RTN4RL1: variants seen among roughly 807,000 people sequenced by gnomAD.
RTN4RL1 encodes the protein reticulon 4 receptor like 1, also known as reticulon-4 receptor-like 1.
A neutral mutation model predicts 25.6 loss-of-function variants in RTN4RL1; 7 were observed. The observed-to-expected ratio is 0.27, with a 90% CI of 0.16 to 0.51. The LOEUF (loss-of-function observed/expected upper bound fraction) is 0.51, where lower values mean the gene tolerates loss of function less well. Ranked by LOEUF, RTN4RL1 falls within the 20% of genes least tolerant of loss-of-function variation. The pLI, the probability that RTN4RL1 is intolerant of heterozygous loss-of-function variation, is 0.97. For missense variants in RTN4RL1, 500 were observed against 615.6 expected (o/e 0.81, Z 1.99); for synonymous variants, 297 against 288.2 (o/e 1.03, Z -0.31).
intron 1 of RTN4RL1, among the ~76,000 whole-genome samples, chr17:1,980,171 C>T (rs1003044786): frequency 2.0e-5 from 3 of 148,962 alleles, no homozygotes; most frequent in Non-Finnish European, 2.9e-5. Flanking sequence ...TCAGGTGATC[C>T]TCCCACCTCA....
Position 1,937,474 on chromosome 17 carries a change from C to T in RTN4RL1, c.348G>A (p.Leu116=), listed in dbSNP as rs762578438. The change falls in exon 2 of 2, where the codon CTG becomes CTA. Residue 116 remains leucine, a synonymous_variant. Coordinates refer to ENST00000331238, the MANE Select transcript of RTN4RL1 (RefSeq NM_178568.4). The part of the protein sequence containing the change: ...DLGDNRQLRT[L]APETFQGLVK... ...CCAGGCCCTGGAAGGTCTCGGGTGC[C>T]AGCGTCCGCAGCTGCCGGTTGTCGC... The T allele has an allele frequency of 6.2e-6, 10 of 1,613,846 alleles. No individual in the cohort carries two copies.
intron 1 of RTN4RL1, among the ~76,000 whole-genome samples, chr17:2,014,610 T>A (rs750192762): frequency 1.1e-4 from 16 of 152,148 alleles, no homozygotes; most frequent in Non-Finnish European, 2.4e-4. Flanking sequence ...CGCAGGCAGA[T>A]CACCTGAGGT....
At chr17:1,954,332 C>T (rs1915744030) in intron 1 of RTN4RL1, among the ~76,000 whole-genome samples, 2 of 151,340 alleles carry the variant, frequency 1.3e-5, no homozygotes, top group Non-Finnish European at 2.9e-5. Context: ...CCTCCCTGGA[C>T]TCACTCTTCC....
intron 1 of RTN4RL1, among the ~76,000 whole-genome samples, chr17:1,977,499 G>A (rs527419929): frequency 5.8e-4 from 89 of 152,260 alleles, no homozygotes; most frequent in African/African-American, 2.1e-3. Context: ...ACAAGAGCGG[G>A]GTCGAGAGCC....
chr17:1,970,008 G>GCT (rs59886441), intron 1 of RTN4RL1, among the ~76,000 whole-genome samples: 5 of 123,666 alleles, frequency 4.0e-5, no homozygotes, highest in African/African-American at 1.1e-4. Flanking sequence ...CAGGATTTCT[G>GCT]CTCTCTCTCT....
At chr17:1,961,167 C>T (rs956803812) in intron 1 of RTN4RL1, among the ~76,000 whole-genome samples, 2 of 152,302 alleles carry the variant, frequency 1.3e-5, no homozygotes, top group East Asian at 3.9e-4. Context: ...ATCAAGCACT[C>T]GGATGAAGCC....
chr17:1,939,382 A>ATAAAT (rs1915394542), intron 1 of RTN4RL1, among the ~76,000 whole-genome samples: 1 of 151,892 alleles, frequency 6.6e-6, no homozygotes, highest in Non-Finnish European at 1.5e-5. Flanking sequence ...AAATAAATAA[A>ATAAAT]TAAATAAATA....
At chr17:2,008,404 C>T (rs561443616) in intron 1 of RTN4RL1, among the ~76,000 whole-genome samples, 12 of 151,986 alleles carry the variant, frequency 7.9e-5, no homozygotes, top group East Asian at 3.9e-4. Context: ...GTTAATTAAA[C>T]GAGACGGGTG....
intron 1 of RTN4RL1, among the ~76,000 whole-genome samples, chr17:1,993,844 G>A (rs2066919399): frequency 6.6e-6 from 1 of 151,734 alleles, no homozygotes; most frequent in African/African-American, 2.4e-5. Flanking sequence ...CTCAGCCCCT[G>A]TATTCACAAC....
intron 1 of RTN4RL1, among the ~76,000 whole-genome samples, chr17:1,966,101 C>A (rs2066789971): frequency 6.6e-6 from 1 of 152,174 alleles, no homozygotes; most frequent in Non-Finnish European, 1.5e-5. Flanking sequence ...CTCCCTGCCC[C>A]TCTGTGATGG....
intron 1 of RTN4RL1, chr17:2,023,591 C>T (rs967007062): frequency 2.6e-5 from 4 of 152,462 alleles, no homozygotes; most frequent in African/African-American, 9.6e-5. Context: ...ACCCACCTGC[C>T]TGACCTGCTT....
chr17:1,990,417 C>T (rs1379441600), intron 1 of RTN4RL1, among the ~76,000 whole-genome samples: 5 of 151,914 alleles, frequency 3.3e-5, no homozygotes, highest in East Asian at 1.9e-4. Context: ...TCTTGTAGGC[C>T]GGGCATGGTG....
chr17:1,993,802 G>A (rs1277929691), intron 1 of RTN4RL1, among the ~76,000 whole-genome samples: 3 of 151,470 alleles, frequency 2.0e-5, no homozygotes, highest in Admixed American at 6.6e-5. Flanking sequence ...AAAAAATTCC[G>A]ATAACAAAAA....
intron 1 of RTN4RL1, among the ~76,000 whole-genome samples, chr17:1,972,653 T>A (rs2066825567): frequency 6.6e-6 from 1 of 152,204 alleles, no homozygotes; most frequent in Non-Finnish European, 1.5e-5. Context: ...CCCGCCCACG[T>A]GGAGCTCTCA....
chr17:2,014,799 T>G (rs531439472), intron 1 of RTN4RL1, among the ~76,000 whole-genome samples: 105 of 149,864 alleles, frequency 7.0e-4, no homozygotes, highest in African/African-American at 2.5e-3. Flanking sequence ...GCCACTGCAC[T>G]CCAGCCTGGA....
At chr17:1,948,168 G>A (rs756514459) in intron 1 of RTN4RL1, among the ~76,000 whole-genome samples, 7 of 152,176 alleles carry the variant, frequency 4.6e-5, no homozygotes, top group African/African-American at 9.7e-5. Flanking sequence ...GCCAGGCTAC[G>A]GCTGCAGGTG....
chr17:1,954,218 CTCAG>C (rs939429716), intron 1 of RTN4RL1, among the ~76,000 whole-genome samples: 5 of 152,198 alleles, frequency 3.3e-5, no homozygotes, highest in South Asian at 2.1e-4. Flanking sequence ...TCCTTTTTTG[CTCAG>C]TCAGTCAGAC....
intron 1 of RTN4RL1, among the ~76,000 whole-genome samples, chr17:2,008,895 T>C (rs1010654660): frequency 6.6e-6 from 1 of 152,018 alleles, no homozygotes; most frequent in Non-Finnish European, 1.5e-5. Flanking sequence ...CACCATCCTT[T>C]CACTTATCCA....
At chr17:1,939,391 T>TAAATAAATAAAA (rs1555601793) in intron 1 of RTN4RL1, among the ~76,000 whole-genome samples, 3 of 150,510 alleles carry the variant, frequency 2.0e-5, no homozygotes, top group East Asian at 2.0e-4. Context: ...AATAAATAAA[T>TAAATAAATAAAA]AAAATACAGA....
Sources: gnomAD v4.1 joint callset for allele counts (sites outside exome capture counted in the v4.1 genomes callset) on GRCh38, gnomAD v4.1.1 for gene constraint, MANE v1.5 for transcripts, NCBI Gene and HGNC (gene_info 2026-07-23, HGNC 2026-07-21) for gene names.